The following WWOX variants were observed in gnomAD, a reference collection of about 807,000 sequenced individuals.
WWOX encodes WW domain-containing oxidoreductase.
Under a neutral mutation model 46.2 loss-of-function variants are expected in WWOX, and 69 were observed. The ratio of observed to expected loss-of-function variants is 1.49; its 90% CI spans 1.23 to 1.82. The LOEUF (loss-of-function observed/expected upper bound fraction) is 1.82, where lower values mean the gene tolerates loss of function less well. Among genes scored for constraint, WWOX ranks in the 40% most tolerant of loss-of-function variants. The probability of loss-of-function intolerance (pLI) is 0.00; values close to 1 mark genes in which losing one functional copy is unlikely to be tolerated. For missense variants in WWOX, 919 were observed against 542.6 expected (o/e 1.69, Z -6.89); for synonymous variants, 359 against 202.6 (o/e 1.77, Z -6.56).
intron 8 of WWOX, among the ~76,000 whole-genome samples, chr16:78,821,607 T>A (rs2051496471): frequency 6.6e-6 from 1 of 152,178 alleles, no homozygotes; most frequent in Non-Finnish European, 1.5e-5. Context: ...TACCCATATA[T>A]GTGTCAATGT....
chr16:78,583,221 G>T (rs367765981), intron 8 of WWOX, among the ~76,000 whole-genome samples: 11 of 152,144 alleles, frequency 7.2e-5, no homozygotes, highest in African/African-American at 2.7e-4. Flanking sequence ...TCTATCCCAT[G>T]GTTCAACCAA....
chr16:78,447,892 C>A (rs572927687), intron 8 of WWOX, among the ~76,000 whole-genome samples: 1 of 152,136 alleles, frequency 6.6e-6, no homozygotes, highest in Non-Finnish European at 1.5e-5. Context: ...CAACGTCCAC[C>A]TCCTGGGTTT....
At chr16:79,049,851 A>T (rs1214487162) in intron 8 of WWOX, among the ~76,000 whole-genome samples, 1 of 151,846 alleles carries the variant, frequency 6.6e-6, no homozygotes, top group Admixed American at 6.6e-5. Context: ...AAAAAAAAAA[A>T]AAGTTACTTC....
At chr16:78,964,064 C>G (rs771615574) in intron 8 of WWOX, among the ~76,000 whole-genome samples, 31 of 152,178 alleles carry the variant, frequency 2.0e-4, no homozygotes, top group Non-Finnish European at 4.3e-4. Flanking sequence ...GATTAAACCT[C>G]TTTTTCTTCC....
At chr16:78,201,363 G>A (rs1290387060) in intron 5 of WWOX, among the ~76,000 whole-genome samples, 1 of 151,966 alleles carries the variant, frequency 6.6e-6, no homozygotes, top group African/African-American at 2.4e-5. Flanking sequence ...GCATGAGGAG[G>A]CATGACCGGA....
chr16:78,646,854 T>TGCTATGTCGC (rs1177033792), intron 8 of WWOX, among the ~76,000 whole-genome samples: 4 of 152,198 alleles, frequency 2.6e-5, no homozygotes, highest in Non-Finnish European at 5.9e-5. Context: ...AAACTAACTC[T>TGCTATGTCGC]GCTGTGTCAC....
chr16:78,958,958 T>C lies in WWOX; in HGVS notation c.1057-252650T>C, dbSNP rs560245811. Among the ~76,000 whole-genome samples, 4 of 152,292 alleles carry C rather than the reference T, an allele frequency of 2.6e-5. No individual in the cohort carries two copies. In the South Asian group the frequency reaches 8.3e-4, roughly 32 times the overall value. ...AAAAATAAGAGTTCTGGGTTCAAGA[T>C]CTGAGGTAAATTATTTGCTAGGCCT... On this transcript the variant is annotated intron_variant, in intron 8 of 8. Coordinates refer to ENST00000566780, the MANE Select transcript of WWOX (RefSeq NM_016373.4).
intron 4 of WWOX, among the ~76,000 whole-genome samples, chr16:78,132,299 T>G (rs1374469483): frequency 1.3e-5 from 2 of 152,054 alleles, no homozygotes; most frequent in African/African-American, 4.8e-5. Flanking sequence ...GTGCTGGGAT[T>G]ACAGGCGTGA....
intron 8 of WWOX, among the ~76,000 whole-genome samples, chr16:78,680,333 C>T (rs926249863): frequency 6.6e-6 from 1 of 152,094 alleles, no homozygotes; most frequent in African/African-American, 2.4e-5. Flanking sequence ...TGCGTGAGCC[C>T]AGGAGTTCAA....
At chr16:79,033,440 C>T (rs1378816127) in intron 8 of WWOX, among the ~76,000 whole-genome samples, 1 of 150,838 alleles carries the variant, frequency 6.6e-6, no homozygotes, top group Non-Finnish European at 1.5e-5. Context: ...AGATGTACCA[C>T]ATTTTCTTTA....
intron 8 of WWOX, among the ~76,000 whole-genome samples, chr16:78,619,744 A>G (rs937677226): frequency 6.6e-6 from 1 of 151,898 alleles, no homozygotes; most frequent in Non-Finnish European, 1.5e-5. Flanking sequence ...ATCTGTATCC[A>G]AATAAAAGCA....
chr16:78,986,648 C>T (rs190869916), intron 8 of WWOX, among the ~76,000 whole-genome samples: 20 of 152,302 alleles, frequency 1.3e-4, no homozygotes, highest in Admixed American at 4.6e-4. Flanking sequence ...GTTTTTCTCC[C>T]AAGAATGGAT....
At chr16:78,844,726 T>C (rs933913215) in intron 8 of WWOX, among the ~76,000 whole-genome samples, 2 of 152,250 alleles carry the variant, frequency 1.3e-5, no homozygotes, top group Admixed American at 1.3e-4. Context: ...CTGTCTGCCT[T>C]ACAAGATGCG....
rs375582503 is a variant in WWOX, at chr16:79,097,708, A to G, written c.1057-113900A>G. Among the ~76,000 whole-genome samples, 331 of 152,236 alleles carry G rather than the reference A, an allele frequency of 2.2e-3. 12 individuals are homozygous for G. The South Asian group carries it at 0.065, about 30-fold the overall frequency. ...AATTCTGTTTCCAAAAGATCTTTGG[A>G]GGATAAAGGATACTTTCTGTCTTTT... On this transcript the variant is annotated intron_variant, in intron 8 of 8. Coordinates refer to ENST00000566780, the MANE Select transcript of WWOX (RefSeq NM_016373.4).
At chr16:78,369,656 G>A (rs1398540491) in intron 5 of WWOX, among the ~76,000 whole-genome samples, 3 of 151,636 alleles carry the variant, frequency 2.0e-5, no homozygotes, top group Non-Finnish European at 2.9e-5. Flanking sequence ...CCATCCTATT[G>A]TGGGACCAAT....
chr16:78,496,472 C>T (rs546843379), intron 8 of WWOX: 3 of 152,294 alleles, frequency 2.0e-5, no homozygotes, highest in Admixed American at 6.5e-5. Context: ...CGTGTTAGCA[C>T]GGGGTTGGCA....
Position 78,731,401 on chromosome 16 carries a change from C to G in WWOX, c.1056+298649C>G, listed in dbSNP as rs576133835. Reference sequence around the variant, plus strand: ...TCAAAGATGCACACTAATACTACGGCTCCTTGGGAAATCTTTCTGCACTGA... The same window carrying G: ...TCAAAGATGCACACTAATACTACGGGTCCTTGGGAAATCTTTCTGCACTGA... On this transcript the variant is annotated intron_variant, in intron 8 of 8. Coordinates refer to ENST00000566780, the MANE Select transcript of WWOX (RefSeq NM_016373.4). 9.2e-5 allele frequency among the ~76,000 whole-genome samples: 14 copies of G among 152,250 alleles called. No individual in the cohort carries two copies. In the East Asian group the frequency reaches 2.3e-3, roughly 25 times the overall value.
intron 8 of WWOX, among the ~76,000 whole-genome samples, chr16:79,131,901 C>T (rs957046287): frequency 1.3e-5 from 2 of 152,082 alleles, no homozygotes; most frequent in Non-Finnish European, 2.9e-5. Flanking sequence ...TGGCAGCAGG[C>T]AAAGAGAGTG....
At chr16:79,049,060 A>G (rs1015655337) in intron 8 of WWOX, among the ~76,000 whole-genome samples, 6 of 152,346 alleles carry the variant, frequency 3.9e-5, no homozygotes, top group East Asian at 1.9e-4. Flanking sequence ...CAAGGTTTCT[A>G]TCCTCTGACA....
Sources: allele counts gnomAD v4.1 joint callset (sites outside exome capture counted in the v4.1 genomes callset), GRCh38; gene constraint gnomAD v4.1.1; transcripts MANE v1.5; gene names NCBI Gene and HGNC (gene_info 2026-07-23, HGNC 2026-07-21).